The following PALM2AKAP2 variants were observed in gnomAD, a reference collection of about 807,000 sequenced individuals.
PALM2AKAP2 encodes PALM2-AKAP2 fusion protein.
Under a neutral mutation model 71.5 loss-of-function variants are expected in PALM2AKAP2, and 37 were observed. The observed-to-expected ratio is 0.52, with a 90% confidence interval of 0.40 to 0.68. The LOEUF (loss-of-function observed/expected upper bound fraction) is 0.68, where lower values mean the gene tolerates loss of function less well. Ranked by LOEUF, PALM2AKAP2 falls within the 30% of genes least tolerant of loss-of-function variation. The pLI is 0.00. For missense variants in PALM2AKAP2, 1,224 were observed against 1,191.8 expected (o/e 1.03, Z -0.40); for synonymous variants, 468 against 478.8 (o/e 0.98, Z 0.29).
At chr9:109,645,724 G>A (rs1230119068) in intron 1 of PALM2AKAP2, among the ~76,000 whole-genome samples, 1 of 149,050 alleles carries the variant, frequency 6.7e-6, no homozygotes, top group East Asian at 2.0e-4. Flanking sequence ...ACATAAAGAT[G>A]AAAATAATAG....
At position 109,643,555 on chromosome 9, in the gene PALM2AKAP2, G is replaced by A. The variant is rs564328266; in HGVS notation, c.5+2689G>A. Among the ~76,000 whole-genome samples, 13 of 152,284 alleles carry A rather than the reference G, an allele frequency of 8.5e-5. No individual in the cohort carries two copies. The East Asian group carries it at 2.5e-3, about 29-fold the overall frequency. ...CTCCTGGCTAAGGTTTCCTCCAGGTGTGCTAAGCTCACACCTGGAACTCCT... is the reference window on the plus strand; with the variant it reads ...CTCCTGGCTAAGGTTTCCTCCAGGTATGCTAAGCTCACACCTGGAACTCCT... On this transcript the variant is annotated intron_variant, in intron 1 of 6. Transcript: ENST00000374531.
intron 3 of PALM2AKAP2, among the ~76,000 whole-genome samples, chr9:109,916,881 A>T (rs1014776113): frequency 4.6e-5 from 7 of 152,232 alleles, no homozygotes; most frequent in African/African-American, 1.7e-4. Flanking sequence ...TGCCTATAGC[A>T]TCATATCCCT....
intron 6 of PALM2AKAP2, among the ~76,000 whole-genome samples, chr9:110,011,014 A>AAATATATATATATAT (rs35212981): frequency 2.9e-5 from 2 of 69,588 alleles, no homozygotes; most frequent in African/African-American, 1.6e-4. Flanking sequence ...AAAAAAAAAA[A>AAATATATATATATAT]ATATATATAT....
In PALM2AKAP2 at chr9:109,844,930, G is replaced by GTGTGT. The variant is rs755750905; in HGVS notation, c.46-22561_46-22560insTGTGT. ...TCCCCCATAACAAATGCCAGAAAAT[G>GTGTGT]ATGTGTGTGTGTGTGTGTGTGTGTG... On this transcript the variant is annotated intron_variant, in intron 1 of 9. Coordinates refer to the PALM2AKAP2 transcript ENST00000302798. Among the ~76,000 whole-genome samples the GTGTGT allele has an allele frequency of 9.8e-5, 6 of 61,010 alleles. No homozygotes were observed. The East Asian group carries it at 4.6e-3, about 47-fold the overall frequency. 40.0% of individuals were successfully genotyped at this position (61,010 alleles called of 152,430 possible). A position where few individuals can be genotyped will look rare whatever the true frequency, so the allele number is the denominator to read the frequency against.
Position 110,159,691 on chromosome 9 carries a change from A to G in PALM2AKAP2, c.2748+3194A>G, listed in dbSNP as rs913642493. 3.9e-5 allele frequency among the ~76,000 whole-genome samples: 6 copies of G among 152,284 alleles called. No homozygotes were observed. The East Asian group carries it at 1.2e-3, about 29-fold the overall frequency. On this transcript the variant is annotated intron_variant, in intron 3 of 3. Transcript: ENST00000374525. ...GCTACGGCTGAAGTTTTGCTGAGTG[A>G]GAAAAACTGATCTTTGCCATCAAAA...
chr9:109,969,857 G>A (rs372953685), intron 6 of PALM2AKAP2, among the ~76,000 whole-genome samples: 10 of 132,524 alleles, frequency 7.5e-5, no homozygotes, highest in African/African-American at 2.0e-4. Context: ...ACCCCTCCCC[G>A]AACCCCACCA....
intron 1 of PALM2AKAP2, among the ~76,000 whole-genome samples, chr9:109,826,203 G>A (rs920735264): frequency 6.6e-5 from 10 of 151,440 alleles, no homozygotes; most frequent in Non-Finnish European, 1.5e-4. Flanking sequence ...ATCACACACC[G>A]GGGCCTGTTG....
intron 6 of PALM2AKAP2, among the ~76,000 whole-genome samples, chr9:109,990,733 G>T (rs1359959756): frequency 6.6e-6 from 1 of 152,162 alleles, no homozygotes; most frequent in African/African-American, 2.4e-5. Context: ...TTTGGGTGTG[G>T]GAATGTAAAG....
At chr9:109,943,158 AGAG>A in intron 6 of PALM2AKAP2, 3 of 1,614,244 alleles carry the variant, frequency 1.9e-6, no homozygotes, top group Non-Finnish European at 2.5e-6. Flanking sequence ...TCGAGGATGA[AGAG>A]GAGACGAAAA....
intron 3 of PALM2AKAP2, among the ~76,000 whole-genome samples, chr9:109,894,813 G>A (rs1461993061): frequency 1.3e-5 from 2 of 151,908 alleles, no homozygotes; most frequent in South Asian, 2.1e-4. Flanking sequence ...ACACGGCCTC[G>A]CTCTGTTGCC....
intron 2 of PALM2AKAP2, among the ~76,000 whole-genome samples, chr9:110,138,976 AC>A (rs779252584): frequency 1.3e-5 from 2 of 152,058 alleles, no homozygotes; most frequent in African/African-American, 4.8e-5. Context: ...CTACTAACTA[AC>A]CCCTTCTGAA....
At chr9:109,962,615 A>T (rs1823981281) in intron 6 of PALM2AKAP2, among the ~76,000 whole-genome samples, 1 of 151,922 alleles carries the variant, frequency 6.6e-6, no homozygotes, top group Non-Finnish European at 1.5e-5. Flanking sequence ...GTTACTGAGC[A>T]CTGATTAAAT....
At chr9:109,804,151 A>T (rs959422467) in intron 1 of PALM2AKAP2, among the ~76,000 whole-genome samples, 1 of 152,182 alleles carries the variant, frequency 6.6e-6, no homozygotes, top group Non-Finnish European at 1.5e-5. Flanking sequence ...AGCAGAGATC[A>T]TCACCTGCCT....
At chr9:110,081,369 T>C (rs1446060694) in intron 1 of PALM2AKAP2, among the ~76,000 whole-genome samples, 1 of 152,218 alleles carries the variant, frequency 6.6e-6, no homozygotes, top group East Asian at 1.9e-4. Context: ...GGAATTTACA[T>C]TGTTAAAAAG....
chr9:109,745,857 C>T (rs1223404360), intron 1 of PALM2AKAP2, among the ~76,000 whole-genome samples: 1 of 152,094 alleles, frequency 6.6e-6, no homozygotes, highest in Non-Finnish European at 1.5e-5. Flanking sequence ...ATTCAGACCC[C>T]AGAATACAGT....
At chr9:110,049,005 C>G (rs1833657158) in intron 1 of PALM2AKAP2, 1 of 1,098,616 alleles carries the variant, frequency 9.1e-7, no homozygotes, top group Non-Finnish European at 1.2e-6. Flanking sequence ...TGGTCCTTGT[C>G]GAGCGGAGCG....
At chr9:109,948,265 G>A (rs980265360) in intron 6 of PALM2AKAP2, among the ~76,000 whole-genome samples, 2 of 152,150 alleles carry the variant, frequency 1.3e-5, no homozygotes, top group Admixed American at 6.5e-5. Flanking sequence ...GAAAGGTATA[G>A]AATAAAGACT....
chr9:109,666,268 A>G (rs750115598), intron 1 of PALM2AKAP2, among the ~76,000 whole-genome samples: 3 of 152,226 alleles, frequency 2.0e-5, no homozygotes, highest in Non-Finnish European at 4.4e-5. Context: ...CATCTTCTGC[A>G]TTGATCATGC....
At chr9:110,137,830 C>A (rs149196239) in exon 2 of PALM2AKAP2, 5 of 1,614,032 alleles carry the variant, frequency 3.1e-6, no homozygotes, top group Middle Eastern at 3.3e-4. Flanking sequence ...AAACTGACAA[C>A]CCCTCAGAGG....
Sources: allele counts gnomAD v4.1 joint callset (sites outside exome capture counted in the v4.1 genomes callset), GRCh38; gene constraint gnomAD v4.1.1; transcripts MANE v1.5; gene names NCBI Gene and HGNC (gene_info 2026-07-23, HGNC 2026-07-21).